MYO19: variants seen among roughly 807,000 people sequenced by gnomAD.
The protein encoded by MYO19 is myosin XIX.
MYO19 carries 132 observed loss-of-function variants against 129.2 expected under a neutral mutation model. That is an observed-to-expected ratio of 1.02 (90% CI 0.89 to 1.18). MYO19 has a LOEUF of 1.18. MYO19 is among the 50% of genes most tolerant of loss of function. The pLI, the probability that MYO19 is intolerant of heterozygous loss-of-function variation, is 0.00. For missense variants in MYO19, 1,210 were observed against 1,216.7 expected (o/e 0.99, Z 0.08); for synonymous variants, 531 against 477.2 (o/e 1.11, Z -1.47).
chr17:36,512,240 A>T (rs924790602), intron 11 of MYO19, among the ~76,000 whole-genome samples: 2 of 111,928 alleles, frequency 1.8e-5, no homozygotes, highest in African/African-American at 4.2e-5. Flanking sequence ...CACACACAAA[A>T]TTAGCTGGGT....
At chr17:36,511,151 C>G (rs1599297503) in intron 12 of MYO19, 1 of 670,738 alleles carries the variant, frequency 1.5e-6, no homozygotes. Context: ...ACTTTACAAA[C>G]CTCTGACTCA....
At chr17:36,532,795 T>C (rs1023798558) in intron 2 of MYO19, 114 bp from the exon 3 acceptor site, 16 of 582,404 alleles carry the variant, frequency 2.7e-5, no homozygotes, top group Non-Finnish European at 4.6e-5. Context: ...AAGGCAGGCC[T>C]GGGCGGAGAG....
intron 6 of MYO19, 83 bp from the exon 7 acceptor site, chr17:36,516,073 A>G (rs2072730139): frequency 6.9e-7 from 1 of 1,443,220 alleles, no homozygotes; most frequent in Admixed American, 2.3e-5. Context: ...TGCCCACCAG[A>G]GCTCTCTTCT....
At chr17:36,518,021 C>T (rs781303010) in intron 6 of MYO19, among the ~76,000 whole-genome samples, 3 of 150,884 alleles carry the variant, frequency 2.0e-5, no homozygotes, top group Admixed American at 6.6e-5. Context: ...ACCCGGGAGG[C>T]GCAGGTTGCA....
At chr17:36,517,738 T>C (rs2072849613) in intron 6 of MYO19, among the ~76,000 whole-genome samples, 2 of 152,200 alleles carry the variant, frequency 1.3e-5, no homozygotes, top group Non-Finnish European at 2.9e-5. Context: ...TTTGAAGCCC[T>C]CACTCCCAAT....
At chr17:36,499,265 CG>C (rs1567728172) in intron 23 of MYO19, 105 bp from the exon 24 acceptor site, 19 of 712,482 alleles carry the variant, frequency 2.7e-5, no homozygotes, top group Middle Eastern at 2.5e-4. Context: ...GTTTCAAATA[CG>C]TTTTTTTTTT....
Position 36,530,531 on chromosome 17 carries a change from A to G in MYO19, c.12+1996T>C, listed in dbSNP as rs140049234. 5.4e-3 allele frequency among the ~76,000 whole-genome samples: 726 copies of G among 135,372 alleles called. 11 individuals carry two copies. The highest frequency in any genetic ancestry group is 0.028 in the East Asian group (129 of 4,664). The allele number at this position is 135,372 out of a possible 152,430, so 88.8% of individuals were successfully genotyped here. ...GAGTGCAGTGGCGCGATCTCGACTCACTGCAAGCTCCGCCTCCCGGGTTCA... is the reference window on the plus strand; with the variant it reads ...GAGTGCAGTGGCGCGATCTCGACTCGCTGCAAGCTCCGCCTCCCGGGTTCA... On this transcript the variant is annotated intron_variant, in intron 3 of 25. Coordinates refer to ENST00000614623, the MANE Select transcript of MYO19 (RefSeq NM_001163735.2).
rs200780021 is a variant in MYO19, at chr17:36,513,731, G to C, written c.721-6C>G. The stretch of plus-strand genomic sequence containing the variant: ...TCACTGGCTCCTTTGCAAATCTGTG[G>C]AGAAGGGTAGGTGGGAGGCTGGGTA... On this transcript the variant is annotated splice_region_variant and splice_polypyrimidine_tract_variant and intron_variant, in intron 9 of 25. Transcript: ENST00000614623. 6,406 of 1,612,652 alleles carry C rather than the reference G, an allele frequency of 4.0e-3. 16 individuals are homozygous for C. Among genetic ancestry groups the C allele is most frequent in the Non-Finnish European group, 4.7e-3 (5,555 of 1,179,392 alleles).
At position 36,509,057 on chromosome 17, in the gene MYO19, G is replaced by C. The variant is rs1243850056; in HGVS notation, c.1231+5C>G. 2 of 1,613,174 alleles carry C rather than the reference G, an allele frequency of 1.2e-6. No individual in the cohort carries two copies. Among genetic ancestry groups the C allele is most frequent in the Admixed American group, 1.7e-5 (1 of 59,916 alleles). ...AGTGCTCCCAGCACAGTGAGGCCTT[G>C]CTACCTATGAAAGTGGTCCACGAGT... On this transcript the variant is annotated splice_donor_5th_base_variant and intron_variant, in intron 14 of 25. Coordinates refer to ENST00000614623, the MANE Select transcript of MYO19 (RefSeq NM_001163735.2).
At chr17:36,499,413 T>C (rs1050034312) in intron 23 of MYO19, 1 of 314,914 alleles carries the variant, frequency 3.2e-6, no homozygotes, top group Non-Finnish European at 6.3e-6. Flanking sequence ...AAGGACTGGC[T>C]GAGGGCCCAG....
intron 6 of MYO19, among the ~76,000 whole-genome samples, chr17:36,517,626 C>T (rs757647335): frequency 5.9e-5 from 9 of 152,272 alleles, no homozygotes; most frequent in Non-Finnish European, 1.0e-4. Flanking sequence ...TTTTATTCAT[C>T]TTTACTTTTT....
chr17:36,512,664 G>A (rs1426458604), intron 11 of MYO19: 1 of 1,289,112 alleles, frequency 7.8e-7, no homozygotes, highest in Admixed American at 2.3e-5. Flanking sequence ...TTACCTGGCA[G>A]TGTCTGAGCA....
chr17:36,497,875 G>A (rs1015575013), intron 25 of MYO19: 32 of 189,438 alleles, frequency 1.7e-4, no homozygotes, highest in Non-Finnish European at 2.7e-4. Flanking sequence ...GTGAGCCACC[G>A]CTCCAGGCCC....
Position 36,513,402 on chromosome 17 carries a change from C to T in MYO19, c.894+27G>A, listed in dbSNP as rs758805284. On this transcript the variant is annotated intron_variant, in intron 11 of 25. Coordinates refer to ENST00000614623, the MANE Select transcript of MYO19 (RefSeq NM_001163735.2). ...AGGGCTGCCCGTCATCTCTGCCAAA[C>T]TTAAGTGGCGTGGCTTTTCTTCTGA... The T allele has an allele frequency of 2.5e-6, 4 of 1,613,924 alleles. No individual in the cohort carries two copies. In the African/African-American group the frequency reaches 5.3e-5, roughly 22 times the overall value.
upstream of MYO19, among the ~76,000 whole-genome samples, chr17:36,544,252 G>GT (rs2142640443): frequency 6.6e-6 from 1 of 152,330 alleles, no homozygotes; most frequent in East Asian, 1.9e-4. Flanking sequence ...TCCTTCCAGT[G>GT]TAACGACAAC....
rs758494235 is a variant in MYO19 at position 36,527,630 on chromosome 17, G to T, written c.221C>A (p.Ala74Asp). 2.5e-6 allele frequency: 4 copies of T among 1,613,886 alleles called. No individual in the cohort carries two copies. The change falls in exon 5 of 26, where the codon GCC becomes GAC. Residue 74 changes from alanine (A) to aspartate (D), a missense_variant. Physicochemically the swap from Ala to Asp is moderately radical, Grantham distance 126 (BLOSUM62 -2). Transcript: ENST00000614623. ...AGGAACAGGCTTGAAGGGGTTCAAG[G>T]CTACCAGGGTGCAGCCAGCATTGGT... The part of the protein sequence containing the change: ...FYTNAGCTLV[A>D]LNPFKPVPQL...
At chr17:36,510,530 C>G (rs2072243933) in intron 13 of MYO19, among the ~76,000 whole-genome samples, 1 of 152,214 alleles carries the variant, frequency 6.6e-6, no homozygotes, top group Non-Finnish European at 1.5e-5. Context: ...AATGTAGCAA[C>G]TTTCCCACTC....
At chr17:36,498,043 G>A (rs988463910) in intron 25 of MYO19, 1 of 533,548 alleles carries the variant, frequency 1.9e-6, no homozygotes, top group African/African-American at 1.9e-5. Flanking sequence ...GAAATAATTA[G>A]AAGCAGTTTT....
intron 2 of MYO19, among the ~76,000 whole-genome samples, chr17:36,541,753 C>T (rs763128787): frequency 5.9e-5 from 9 of 152,126 alleles, no homozygotes; most frequent in Non-Finnish European, 1.0e-4. Context: ...TTATATATTT[C>T]GTCAATTAGA....
Sources: gnomAD v4.1 joint callset for allele counts (sites outside exome capture counted in the v4.1 genomes callset) on GRCh38, gnomAD v4.1.1 for gene constraint, MANE v1.5 for transcripts, NCBI Gene and HGNC (gene_info 2026-07-23, HGNC 2026-07-21) for gene names.